CDH12: variants seen among roughly 807,000 people sequenced by gnomAD.
CDH12 encodes cadherin 12.
CDH12 carries 41 observed loss-of-function variants against 74.1 expected under a neutral mutation model. That is an observed-to-expected ratio of 0.55 (90% CI 0.43 to 0.72). CDH12 has a LOEUF of 0.72. CDH12 is among the 30% of genes least tolerant of loss of function. CDH12 has a pLI of 0.00. For missense variants in CDH12, 945 were observed against 977.2 expected (o/e 0.97, Z 0.44); for synonymous variants, 399 against 355.0 (o/e 1.12, Z -1.39).
intron 3 of CDH12, among the ~76,000 whole-genome samples, chr5:22,340,584 T>C (rs1739806988): frequency 6.6e-6 from 1 of 152,182 alleles, no homozygotes; most frequent in Admixed American, 6.5e-5. Flanking sequence ...TAGAAAATGT[T>C]CTTAAATAAT....
chr5:22,527,088 C>T (rs1737318967), intron 1 of CDH12, among the ~76,000 whole-genome samples: 2 of 152,112 alleles, frequency 1.3e-5, no homozygotes, highest in South Asian at 4.1e-4. Context: ...AGTTCAGAAC[C>T]AGTGTCAAAA....
At chr5:22,376,337 T>C (rs527587017) in intron 3 of CDH12, among the ~76,000 whole-genome samples, 62 of 151,902 alleles carry the variant, frequency 4.1e-4, no homozygotes, top group African/African-American at 1.4e-3. Context: ...AGACTGATTA[T>C]TGGGTGCAAA....
intron 5 of CDH12, among the ~76,000 whole-genome samples, chr5:22,056,370 T>A (rs570444276): frequency 6.6e-6 from 1 of 152,194 alleles, no homozygotes; most frequent in Admixed American, 6.6e-5. Context: ...GTGAGCTTAA[T>A]GAATTCTAGT....
chr5:22,296,156 T>C (rs1331068798), intron 3 of CDH12, among the ~76,000 whole-genome samples: 4 of 151,876 alleles, frequency 2.6e-5, no homozygotes, highest in Non-Finnish European at 5.9e-5. Flanking sequence ...TTAGAAAAAT[T>C]ATAATATATA....
chr5:22,338,346 C>T (rs1410839857), intron 3 of CDH12, among the ~76,000 whole-genome samples: 1 of 151,942 alleles, frequency 6.6e-6, no homozygotes, highest in Non-Finnish European at 1.5e-5. Flanking sequence ...TGCATGTACT[C>T]ACTTATTTGT....
chr5:22,435,277 C>T (rs1289479149), intron 2 of CDH12, among the ~76,000 whole-genome samples: 2 of 152,046 alleles, frequency 1.3e-5, no homozygotes, highest in Non-Finnish European at 2.9e-5. Flanking sequence ...CCTCGAACAT[C>T]GGACTCCAAG....
intron 2 of CDH12, among the ~76,000 whole-genome samples, chr5:22,416,686 A>T (rs1258652354): frequency 2.6e-5 from 4 of 152,196 alleles, no homozygotes; most frequent in African/African-American, 9.6e-5. Context: ...GTATTACACT[A>T]GCCTGGCCAC....
At chr5:21,764,837 A>C in intron 12 of CDH12, 141 bp downstream of exon 12, 1 of 781,642 alleles carries the variant, frequency 1.3e-6, no homozygotes, top group Admixed American at 2.4e-5. Context: ...CAAGAGTTTA[A>C]TTAATCTTTT....
At chr5:22,155,713 A>G (rs555248715) in intron 4 of CDH12, among the ~76,000 whole-genome samples, 1 of 152,264 alleles carries the variant, frequency 6.6e-6, no homozygotes, top group East Asian at 1.9e-4. Flanking sequence ...AATCAGAAAT[A>G]CTGTATTAGC....
chr5:22,182,285 C>A (rs551434181), intron 4 of CDH12, among the ~76,000 whole-genome samples: 5 of 152,182 alleles, frequency 3.3e-5, no homozygotes, highest in African/African-American at 1.2e-4. Context: ...CAGTTTGCAA[C>A]TTAAAGTCTC....
chr5:22,368,631 T>C (rs893661102), intron 3 of CDH12, among the ~76,000 whole-genome samples: 4 of 152,162 alleles, frequency 2.6e-5, no homozygotes, highest in African/African-American at 9.7e-5. Flanking sequence ...TTCACAATTC[T>C]AAAACAATTT....
Position 22,094,312 on chromosome 5 carries a change from A to C in CDH12, c.-186-15450T>G, listed in dbSNP as rs1030858259. Among the ~76,000 whole-genome samples the C allele has an allele frequency of 2.6e-5, 4 of 152,176 alleles. No homozygotes were observed. In the East Asian group the frequency reaches 7.7e-4, roughly 29 times the overall value. On this transcript the variant is annotated intron_variant, in intron 4 of 14. Transcript: ENST00000382254. ...AGAATCTGACTGACTGCAAGCAAGAAGAGCTCTTGGGTTGCAGAAATAGAT... is the reference window on the plus strand; with the variant it reads ...AGAATCTGACTGACTGCAAGCAAGACGAGCTCTTGGGTTGCAGAAATAGAT...
intron 6 of CDH12, among the ~76,000 whole-genome samples, chr5:21,949,449 CA>C (rs201292632): frequency 0.032 from 2,687 of 83,726 alleles, 66 homozygotes; most frequent in African/African-American, 0.079. Flanking sequence ...GACTCTGTCT[CA>C]AAAAAAAAAA....
chr5:22,649,655 T>G (rs1297018563), intron 1 of CDH12, among the ~76,000 whole-genome samples: 1 of 152,032 alleles, frequency 6.6e-6, no homozygotes, highest in African/African-American at 2.4e-5. Context: ...AAAATGCCTA[T>G]CCTTATTTGA....
chr5:22,291,938 C>A (rs1334515663), intron 3 of CDH12, among the ~76,000 whole-genome samples: 2 of 152,064 alleles, frequency 1.3e-5, no homozygotes, highest in Non-Finnish European at 2.9e-5. Flanking sequence ...CATTATACCA[C>A]CTGACTTCAA....
intron 4 of CDH12, among the ~76,000 whole-genome samples, chr5:22,080,629 G>C (rs1349330663): frequency 6.6e-6 from 1 of 152,070 alleles, no homozygotes; most frequent in African/African-American, 2.4e-5. Context: ...TTGGGATCAT[G>C]ATGTGCTCTA....
At position 22,343,323 on chromosome 5, in the gene CDH12, CAGAGAGAG is replaced by C. The variant is rs377016972; in HGVS notation, c.-333+61926_-333+61933del. ...ACACACACACACACAGACACACACA[CAGAGAGAG>C]AGAGAGAGAGAGAGAGAGAGAGAGA... is the stretch of plus-strand genomic sequence containing the variant. On this transcript the variant is annotated intron_variant, in intron 3 of 14. Transcript: ENST00000382254. Among the ~76,000 whole-genome samples the C allele has an allele frequency of 3.0e-3, 403 of 136,300 alleles. 5 individuals are homozygous for C. Among genetic ancestry groups the C allele is most frequent in the African/African-American group, 7.3e-3 (251 of 34,462 alleles). The allele number at this position is 136,300 out of a possible 152,430, so 89.4% of individuals were successfully genotyped here.
At chr5:22,799,315 A>G (rs1368685693) in intron 1 of CDH12, among the ~76,000 whole-genome samples, 1 of 152,210 alleles carries the variant, frequency 6.6e-6, no homozygotes, top group Non-Finnish European at 1.5e-5. Context: ...AAACAGAATT[A>G]CAGAAACATT....
chr5:22,677,528 C>T (rs1057260858), intron 1 of CDH12, among the ~76,000 whole-genome samples: 3 of 152,038 alleles, frequency 2.0e-5, no homozygotes, highest in Non-Finnish European at 4.4e-5. Context: ...GACCAAATCA[C>T]CTCTCAAAGC....
Sources: allele counts gnomAD v4.1 joint callset (sites outside exome capture counted in the v4.1 genomes callset), GRCh38; gene constraint gnomAD v4.1.1; transcripts MANE v1.5; gene names NCBI Gene and HGNC (gene_info 2026-07-23, HGNC 2026-07-21).